ST18: variants seen among roughly 807,000 people sequenced by gnomAD.
ST18 encodes the protein suppression of tumorigenicity 18 protein.
A neutral mutation model predicts 110.0 loss-of-function variants in ST18; 50 were observed. The observed-to-expected ratio is 0.45, with a 90% CI of 0.36 to 0.58. ST18 has a LOEUF of 0.58. Among genes scored for constraint, ST18 ranks in the 20% least tolerant of loss-of-function variants. ST18 has a pLI of 0.00. For synonymous variants in ST18, 461 were observed against 452.4 expected, an observed-to-expected ratio of 1.02 and a Z score of -0.24; for missense variants, 1,306 against 1,280.1, an observed-to-expected ratio of 1.02 and a Z score of -0.31.
chr8:52,170,455 T>G lies in ST18; in HGVS notation c.1069+1337A>C, dbSNP rs1234826102. On this transcript the variant is annotated intron_variant, in intron 10 of 25. Coordinates refer to ENST00000689386, the MANE Select transcript of ST18 (RefSeq NM_001352837.2). ...CAACAGAGCAAAACTCAAAAATCAA[T>G]AAATAAATAAATAAATAAATAAATA... is the stretch of plus-strand genomic sequence containing the variant. Among the ~76,000 whole-genome samples the G allele has an allele frequency of 3.1e-5, 3 of 97,528 alleles. No individual in the cohort carries two copies. In the East Asian group the frequency reaches 6.5e-4, roughly 21 times the overall value. 64.0% of individuals were successfully genotyped at this position (97,528 alleles called of 152,430 possible). A position where few individuals can be genotyped will look rare whatever the true frequency, so the allele number is the denominator to read the frequency against.
intron 8 of ST18, among the ~76,000 whole-genome samples, chr8:52,189,493 C>T (rs1332774455): frequency 6.6e-6 from 1 of 152,190 alleles, no homozygotes; most frequent in Admixed American, 6.5e-5. Context: ...AAACCCATCC[C>T]AATGAAAATC....
At chr8:52,346,036 C>A (rs1269990338) in intron 2 of ST18, among the ~76,000 whole-genome samples, 2 of 151,626 alleles carry the variant, frequency 1.3e-5, no homozygotes, top group African/African-American at 2.4e-5. Flanking sequence ...AAACTGACCC[C>A]AGAGGAATTA....
At chr8:52,396,490 C>A (rs1028665449) in intron 2 of ST18, among the ~76,000 whole-genome samples, 7 of 152,156 alleles carry the variant, frequency 4.6e-5, no homozygotes, top group African/African-American at 1.4e-4. Context: ...TTAGTCCGTT[C>A]TCACACTGCT....
At chr8:52,159,679 G>C (rs915807242) in intron 14 of ST18, among the ~76,000 whole-genome samples, 1 of 152,120 alleles carries the variant, frequency 6.6e-6, no homozygotes, top group Admixed American at 6.6e-5. Context: ...CTAAATAGAT[G>C]GTGGAGTCTT....
intron 2 of ST18, among the ~76,000 whole-genome samples, chr8:52,260,032 G>T (rs1303724786): frequency 1.3e-5 from 2 of 152,126 alleles, no homozygotes; most frequent in Admixed American, 1.3e-4. Flanking sequence ...TCTTCAAATT[G>T]ATGTCATCAG....
At chr8:52,172,620 A>G in intron 9 of ST18, 37 bp from the exon 10 acceptor site, 1 of 1,497,288 alleles carries the variant, frequency 6.7e-7, no homozygotes, top group Non-Finnish European at 8.9e-7. Context: ...AAGAGCAAGA[A>G]CAAAAAATAT....
At chr8:52,273,603 G>T (rs889267760) in intron 2 of ST18, among the ~76,000 whole-genome samples, 1 of 152,158 alleles carries the variant, frequency 6.6e-6, no homozygotes, top group Non-Finnish European at 1.5e-5. Flanking sequence ...TCAACAGAAG[G>T]CTTTTATTTC....
At position 52,409,716 on chromosome 8, in the gene ST18, A is replaced by G. The variant is rs915677727; in HGVS notation, c.-758T>C. ...TCCCCTGAGGTCACATTCAGTTAAAAACATCCTGCCCTTCTCCCTACAAAA... is the reference window on the plus strand; with the variant it reads ...TCCCCTGAGGTCACATTCAGTTAAAGACATCCTGCCCTTCTCCCTACAAAA... On this transcript the variant is annotated 5_prime_UTR_variant, in exon 1 of 26. Transcript: ENST00000689386. 1 of 152,290 alleles carries G rather than the reference A, an allele frequency of 6.6e-6. No individual in the cohort carries two copies. The highest frequency in any genetic ancestry group is 1.5e-5 in the Non-Finnish European group (1 of 68,062). 9.4% of individuals were successfully genotyped at this position (152,290 alleles called of 1,614,324 possible). A position where few individuals can be genotyped will look rare whatever the true frequency, so the allele number is the denominator to read the frequency against.
At chr8:52,380,662 T>C (rs1029640718) in intron 2 of ST18, among the ~76,000 whole-genome samples, 2 of 152,078 alleles carry the variant, frequency 1.3e-5, no homozygotes, top group African/African-American at 4.8e-5. Context: ...TCCAGTGTCA[T>C]CCAGAAGAAT....
chr8:52,195,099 C>A (rs1479038642), intron 8 of ST18, among the ~76,000 whole-genome samples: 1 of 152,102 alleles, frequency 6.6e-6, no homozygotes, highest in Non-Finnish European at 1.5e-5. Context: ...TACTGCATAG[C>A]CATGGATTAG....
intron 2 of ST18, among the ~76,000 whole-genome samples, chr8:52,285,809 C>T (rs1050440399): frequency 1.3e-5 from 2 of 152,190 alleles, no homozygotes; most frequent in Non-Finnish European, 2.9e-5. Context: ...AGCATGTCTC[C>T]TCTGAATTAG....
In ST18 at chr8:52,158,208, T is replaced by C. The variant is rs28700572; in HGVS notation, c.1806+690A>G. 2.7e-3 allele frequency among the ~76,000 whole-genome samples: 418 copies of C among 152,288 alleles called. 1 individual carries two copies. The highest frequency in any genetic ancestry group is 9.6e-3 in the African/African-American group (401 of 41,574). Reference sequence around the variant, plus strand: ...TCATAAAATTACTTCTTATTGTCAATTGGGGAGGAAAGGAGAGGGTATTGG... The same window carrying C: ...TCATAAAATTACTTCTTATTGTCAACTGGGGAGGAAAGGAGAGGGTATTGG... On this transcript the variant is annotated intron_variant, in intron 15 of 25. Coordinates refer to ENST00000689386, the MANE Select transcript of ST18 (RefSeq NM_001352837.2).
chr8:52,172,322 T>C lies in ST18; in HGVS notation c.539A>G (p.Asp180Gly), dbSNP rs773207185. ...GGAGCAGAAGGGTGGCTGAGAATCA[T>C]CAATCTTGTCTCTTCCATCATCAGA... is the stretch of plus-strand genomic sequence containing the variant. ...IHSDDGRDKI[D>G]DSQPPFCSSD... The change falls in exon 10 of 26, where the codon GAT becomes GGT. Residue 180 changes from aspartate (D) to glycine (G), a missense_variant. Transcript: ENST00000689386. 4.3e-6 allele frequency: 7 copies of C among 1,614,084 alleles called. No homozygotes were observed. Among genetic ancestry groups the C allele is most frequent in the Non-Finnish European group, 4.2e-6 (5 of 1,180,048 alleles).
In ST18 at chr8:52,172,537, T is replaced by G. The variant is rs370801722; in HGVS notation, c.324A>C (p.Ala108=). 4.4e-6 allele frequency: 7 copies of G among 1,607,488 alleles called. No homozygotes were observed. The highest frequency in any genetic ancestry group is 5.9e-6 in the Non-Finnish European group (7 of 1,178,084). ...CTTCCTTCCTACTGGAGTTTTCTTG[T>G]GCAGTTGAAAGAAGACTTTCATCCA... ...KPMDESLLST[A]QENSSRKEDR... The change falls in exon 10 of 26, where the codon GCA becomes GCC. Residue 108 remains alanine, a synonymous_variant. Transcript: ENST00000689386.
chr8:52,344,522 T>C (rs1039749476), intron 2 of ST18, among the ~76,000 whole-genome samples: 1 of 152,050 alleles, frequency 6.6e-6, no homozygotes, highest in African/African-American at 2.4e-5. Flanking sequence ...TGCCTCAGCC[T>C]CCCAAGTAGC....
chr8:52,366,390 C>T (rs1002135973), intron 2 of ST18, among the ~76,000 whole-genome samples: 3 of 152,202 alleles, frequency 2.0e-5, no homozygotes, highest in Admixed American at 6.5e-5. Context: ...CACCTACAGG[C>T]TTCCCCTTGC....
At chr8:52,381,183 C>A (rs1476978519) in intron 2 of ST18, among the ~76,000 whole-genome samples, 1 of 152,164 alleles carries the variant, frequency 6.6e-6, no homozygotes, top group Non-Finnish European at 1.5e-5. Context: ...AAAGGAGAGG[C>A]ATGTCCCAGC....
intron 15 of ST18, among the ~76,000 whole-genome samples, chr8:52,157,141 C>A (rs960522531): frequency 2.0e-5 from 3 of 152,190 alleles, no homozygotes; most frequent in African/African-American, 7.2e-5. Flanking sequence ...GTCCATTTAA[C>A]AATTGCTTTT....
intron 2 of ST18, among the ~76,000 whole-genome samples, chr8:52,403,158 G>A (rs912747102): frequency 3.3e-5 from 5 of 152,196 alleles, no homozygotes; most frequent in Middle Eastern, 3.4e-3. Context: ...TGTTCCCAGG[G>A]GGTATGGAGT....
Sources: gnomAD v4.1 joint callset for allele counts (sites outside exome capture counted in the v4.1 genomes callset) on GRCh38, gnomAD v4.1.1 for gene constraint, MANE v1.5 for transcripts, NCBI Gene and HGNC (gene_info 2026-07-23, HGNC 2026-07-21) for gene names.